The following PADI4 variants were observed in gnomAD, a reference collection of about 807,000 sequenced individuals.
PADI4 encodes the protein protein-arginine deiminase type-4.
In PADI4, 62 loss-of-function variants were observed where a neutral mutation model predicts 75.0. The ratio of observed to expected loss-of-function variants is 0.83; its 90% CI spans 0.67 to 1.02. The LOEUF is 1.02. Ranked by LOEUF, PADI4 falls within the 50% of genes least tolerant of loss-of-function variation. PADI4 has a pLI of 0.00. For missense variants in PADI4, 845 were observed against 850.5 expected, an observed-to-expected ratio of 0.99 and a Z score of 0.08; for synonymous variants, 361 against 348.1, an observed-to-expected ratio of 1.04 and a Z score of -0.41.
At position 17,356,786 on chromosome 1, in the gene PADI4, C is replaced by A. The variant is rs1748011; in HGVS notation, c.1558+327C>A. Among the ~76,000 whole-genome samples, 109,594 of 149,242 alleles carry A rather than the reference C, an allele frequency of 0.73. 40,084 individuals carry two copies. Among genetic ancestry groups the A allele is most frequent in the African/African-American group, 0.81 (33,042 of 40,806 alleles). On this transcript the variant is annotated intron_variant, in intron 13 of 15. Coordinates refer to ENST00000375448, the MANE Select transcript of PADI4 (RefSeq NM_012387.3). This position sits in a 1 kb window ranked among gnomAD's most constrained non-coding sequence, Gnocchi z 4.1. ...TGCAAGTAGGGGTTGGCTGGGCAAACGGGGCAGGGAAATGAGAGGAAGAGA... is the reference window on the plus strand; with the variant it reads ...TGCAAGTAGGGGTTGGCTGGGCAAAAGGGGCAGGGAAATGAGAGGAAGAGA...
rs1339385134 is a variant in PADI4, at chr1:17,346,536, CCTGCTTAGT to C, written c.1047+401_1047+409del. 6.6e-6 allele frequency among the ~76,000 whole-genome samples: 1 copy of C among 152,206 alleles called. No homozygotes were observed. The highest frequency in any genetic ancestry group is 1.9e-4 in the East Asian group (1 of 5,194). On this transcript the variant is annotated intron_variant, in intron 9 of 15. Coordinates refer to ENST00000375448, the MANE Select transcript of PADI4 (RefSeq NM_012387.3). This position sits in a 1 kb window ranked among gnomAD's most constrained non-coding sequence, Gnocchi z 4.3. ...GCACTTTCCATGGCTCCCATCTCCT[CCTGCTTAGT>C]CTGTTTCCAGGCCCTCTCAGCCTGC...
At chr1:17,338,308 C>T (rs2074353935) in intron 5 of PADI4, among the ~76,000 whole-genome samples, 153 bp downstream of exon 5, 1 of 152,166 alleles carries the variant, frequency 6.6e-6, no homozygotes, top group African/African-American at 2.4e-5. Context: ...TGGGCAAAGG[C>T]CCTCGGGGGT....
intron 5 of PADI4, 137 bp downstream of exon 5, chr1:17,338,292 A>G: frequency 1.6e-6 from 1 of 631,466 alleles, no homozygotes; most frequent in Non-Finnish European, 2.9e-6. Flanking sequence ...TTTATAGGTG[A>G]AGCAATGGGC....
In PADI4 at chr1:17,331,111, A is replaced by G. The variant is rs1211841718; in HGVS notation, c.235A>G (p.Thr79Ala). 6.2e-7 allele frequency: 1 copy of G among 1,612,168 alleles called. No homozygotes were observed. Among genetic ancestry groups the G allele is most frequent in the Non-Finnish European group, 8.5e-7 (1 of 1,179,198 alleles). ...PLDPGVEVTL[T>A]MKVASGSTGD... ...GGACCCTGGGGTAGAGGTGACCCTG[A>G]CGATGAAAGTGGCCAGTGGTAGCAC... The change falls in exon 2 of 16, where the codon ACG becomes GCG. Residue 79 changes from threonine to alanine, a missense_variant. Physicochemically the swap from Thr to Ala is moderately conservative, Grantham distance 58 (BLOSUM62 0). Transcript: ENST00000375448.
intron 1 of PADI4, among the ~76,000 whole-genome samples, chr1:17,311,340 T>C (rs1340485074): frequency 6.6e-6 from 1 of 150,926 alleles, no homozygotes; most frequent in East Asian, 2.0e-4. Flanking sequence ...CCACCCTGCC[T>C]CCAAATGCTG....
At chr1:17,331,629 GTGGCC>G (rs67879101) in intron 2 of PADI4, among the ~76,000 whole-genome samples, 84,186 of 151,386 alleles carry the variant, frequency 0.56, 23,532 homozygotes, top group East Asian at 0.59. Flanking sequence ...AATCACCATG[GTGGCC>G]TGGCCGGGCA....
chr1:17,320,700 G>A (rs772760209), intron 1 of PADI4, among the ~76,000 whole-genome samples: 21 of 152,286 alleles, frequency 1.4e-4, no homozygotes, highest in Admixed American at 3.9e-4. Flanking sequence ...TCTCGTCATC[G>A]TCTTGGTTTT....
chr1:17,355,584 AT>A (rs1246460389), intron 11 of PADI4, among the ~76,000 whole-genome samples: 49 of 148,108 alleles, frequency 3.3e-4, no homozygotes, highest in East Asian at 3.9e-4. Context: ...TGCAACACTA[AT>A]TTTTTTTTTT....
At chr1:17,361,347 G>A (rs1270478841) in intron 15 of PADI4, among the ~76,000 whole-genome samples, 9 of 152,232 alleles carry the variant, frequency 5.9e-5, no homozygotes, top group South Asian at 2.1e-4. Context: ...GAAAGTGGAC[G>A]CCCGCGGCTA....
intron 15 of PADI4, among the ~76,000 whole-genome samples, chr1:17,363,274 A>G (rs139390451): frequency 3.5e-4 from 54 of 152,178 alleles, no homozygotes; most frequent in African/African-American, 1.2e-3. Flanking sequence ...ACGCACCACC[A>G]TGCCAAGCTA....
intron 1 of PADI4, among the ~76,000 whole-genome samples, chr1:17,313,659 C>G (rs1020813392): frequency 6.6e-6 from 1 of 152,020 alleles, no homozygotes; most frequent in Non-Finnish European, 1.5e-5. Context: ...TTGACAGCAG[C>G]GAGGACTGCA....
At chr1:17,323,022 C>T (rs947809663) in intron 1 of PADI4, among the ~76,000 whole-genome samples, 1 of 152,112 alleles carries the variant, frequency 6.6e-6, no homozygotes, top group South Asian at 2.1e-4. Context: ...TTCTCATAAT[C>T]AAGGTATTGG....
Position 17,358,517 on chromosome 1 carries a change from G to A in PADI4, c.1559-321G>A, listed in dbSNP as rs1220339847. ...CAGGGGGCGGAGCCTGCAGTGAGCC[G>A]AGATTGCGCCACTGCACTCCAGCCT... is the stretch of plus-strand genomic sequence containing the variant. On this transcript the variant is annotated intron_variant, in intron 13 of 15. Transcript: ENST00000375448. Among the ~76,000 whole-genome samples, 30 of 38,426 alleles carry A rather than the reference G, an allele frequency of 7.8e-4. 13 individuals are homozygous for A. In the East Asian group the frequency reaches 0.022, roughly 28 times the overall value. 25.2% of individuals were successfully genotyped at this position (38,426 alleles called of 152,430 possible).
In PADI4 at chr1:17,356,504, T is replaced by C; in HGVS notation, c.1558+45T>C. On this transcript the variant is annotated intron_variant, in intron 13 of 15. Transcript: ENST00000375448. The surrounding 1 kb of genome is among the most constrained non-coding windows in gnomAD (Gnocchi z 4.1). Reference sequence around the variant, plus strand: ...TTCTCCTGTCTGTGCACCTTCCTGCTTCCCATAGTCCGCTGTTGCCTGGAG... The same window carrying C: ...TTCTCCTGTCTGTGCACCTTCCTGCCTCCCATAGTCCGCTGTTGCCTGGAG... The C allele has an allele frequency of 8.7e-7, 1 of 1,145,702 alleles. No homozygotes were observed. The highest frequency in any genetic ancestry group is 1.3e-6 in the Non-Finnish European group (1 of 765,594). 71.0% of individuals were successfully genotyped at this position (1,145,702 alleles called of 1,614,324 possible).
At chr1:17,343,580 T>G (rs1175536506) in intron 8 of PADI4, among the ~76,000 whole-genome samples, 1 of 152,214 alleles carries the variant, frequency 6.6e-6, no homozygotes, top group Non-Finnish European at 1.5e-5. Flanking sequence ...CACCCAAATC[T>G]TATCTTGAAT....
At position 17,354,707 on chromosome 1, in the gene PADI4, G is replaced by A. The variant is rs978595964; in HGVS notation, c.1310+20G>A. The A allele has an allele frequency of 3.8e-6, 6 of 1,581,836 alleles. No individual in the cohort carries two copies. In the Admixed American group the frequency reaches 8.8e-5, roughly 23 times the overall value. ...TCCCAGGTAAGGAGGGGAGTAACAG[G>A]AAGGGGTGGCCAGGACCCAGGTATG... On this transcript the variant is annotated intron_variant, in intron 11 of 15. Transcript: ENST00000375448.
intron 6 of PADI4, among the ~76,000 whole-genome samples, chr1:17,341,101 CTTTT>C (rs34852999): frequency 1.7e-5 from 2 of 119,804 alleles, no homozygotes; most frequent in African/African-American, 3.1e-5. Context: ...GCCTCTGTTT[CTTTT>C]TTTTTTTTTT....
chr1:17,324,075 A>G (rs1313294586), intron 1 of PADI4, among the ~76,000 whole-genome samples: 3 of 151,874 alleles, frequency 2.0e-5, no homozygotes, highest in Non-Finnish European at 4.4e-5. Flanking sequence ...AACACATGAA[A>G]GAGATTCTCC....
rs764319833 is a variant in PADI4 at position 17,331,016 on chromosome 1, G to A, written c.140G>A (p.Gly47Glu). ...TCCTTCAGCATCAACGCCTCCCCAG[G>A]GGTGGTCGTGGATATTGCCCACGGC... is the stretch of plus-strand genomic sequence containing the variant. ...CTSFSINASP[G>E]VVVDIAHGPP... The change falls in exon 2 of 16, where the codon GGG becomes GAG. Residue 47 changes from glycine (G) to glutamate (E), a missense_variant. Transcript: ENST00000375448. 13 of 1,605,168 alleles carry A rather than the reference G, an allele frequency of 8.1e-6. No homozygotes were observed. In the East Asian group the frequency reaches 2.5e-4, roughly 31 times the overall value.
Sources: allele counts gnomAD v4.1 joint callset (sites outside exome capture counted in the v4.1 genomes callset), GRCh38; gene constraint gnomAD v4.1.1; non-coding constraint Gnocchi (gnomAD v3.1); transcripts MANE v1.5; gene names NCBI Gene and HGNC (gene_info 2026-07-23, HGNC 2026-07-21).